CLEC2B: variants seen among roughly 807,000 people sequenced by gnomAD.
CLEC2B encodes the protein C-type (calcium dependent, carbohydrate-recognition domain) lectin, superfamily member 2 (activation-induced).
Under a neutral mutation model 16.2 loss-of-function variants are expected in CLEC2B, and 14 were observed. The observed-to-expected ratio is 0.86, with a 90% CI of 0.57 to 1.35. The LOEUF (loss-of-function observed/expected upper bound fraction) is 1.35, where lower values mean the gene tolerates loss of function less well. Ranked by LOEUF, CLEC2B falls within the 40% of genes most tolerant of loss-of-function variation. The pLI is 0.00. For synonymous variants in CLEC2B, 42 were observed against 55.8 expected, an observed-to-expected ratio of 0.75 and a Z score of 1.10; for missense variants, 166 against 182.3, an observed-to-expected ratio of 0.91 and a Z score of 0.52.
chr12:9,853,342 A>G lies in CLEC2B; in HGVS notation c.408T>C (p.Cys136=). 1 of 1,613,986 alleles carries G rather than the reference A, an allele frequency of 6.2e-7. No homozygotes were observed. The highest frequency in any genetic ancestry group is 1.3e-5 in the African/African-American group (1 of 75,022). Residue 136 remains cysteine, a synonymous_variant, in exon 5 of 5, where the codon TGT becomes TGC. Transcript: ENST00000228438. ...TGCAAATCCATTTTCTTTCGGTGTA[A>G]CATCTAGCTGTTGCTGCACCATCAT... is the stretch of plus-strand genomic sequence containing the variant. The part of the protein sequence containing the change: ...LSDDGAATAR[C]YTERKWICRK...
chr12:9,862,058 T>C (rs1407123281), intron 2 of CLEC2B, among the ~76,000 whole-genome samples: 1 of 152,066 alleles, frequency 6.6e-6, no homozygotes, highest in Non-Finnish European at 1.5e-5. Flanking sequence ...TATGATGACA[T>C]TGAAAAATCA....
chr12:9,864,920 C>T (rs7295874), intron 1 of CLEC2B, among the ~76,000 whole-genome samples: 42,793 of 152,036 alleles, frequency 0.28, 6,184 homozygotes, highest in South Asian at 0.34. Flanking sequence ...CAGTGGCTCA[C>T]GCCTGTAATC....
At chr12:9,864,015 T>A (rs1419990332) in intron 1 of CLEC2B, among the ~76,000 whole-genome samples, 1 of 151,068 alleles carries the variant, frequency 6.6e-6, no homozygotes, top group Non-Finnish European at 1.5e-5. Context: ...AATCAAACTC[T>A]CAAAGGTCAA....
At chr12:9,867,793 G>A (rs1867983236) in intron 1 of CLEC2B, among the ~76,000 whole-genome samples, 1 of 152,056 alleles carries the variant, frequency 6.6e-6, no homozygotes, top group Non-Finnish European at 1.5e-5. Flanking sequence ...AATCTAAACA[G>A]TTAAGGACTG....
intron 3 of CLEC2B, among the ~76,000 whole-genome samples, chr12:9,856,504 C>T (rs971455751): frequency 2.6e-5 from 4 of 151,950 alleles, no homozygotes; most frequent in African/African-American, 9.7e-5. Flanking sequence ...AGTTTTGTTT[C>T]CTTTCACTGA....
rs1231451319 is a variant in CLEC2B, at chr12:9,853,053, TA to T, written c.*246del. Reference sequence around the variant, plus strand: ...CCACAATTGTTTTCTGGTTTACAGTTAAAAAAAGAAAGAAAGAAAGAAAGAA... The same window carrying T: ...CCACAATTGTTTTCTGGTTTACAGTTAAAAAAGAAAGAAAGAAAGAAAGAA... On this transcript the variant is annotated 3_prime_UTR_variant, in exon 5 of 5. Coordinates refer to ENST00000228438, the MANE Select transcript of CLEC2B (RefSeq NM_005127.3). 4 of 103,402 alleles carry T rather than the reference TA, an allele frequency of 3.9e-5. No individual in the cohort carries two copies. Among genetic ancestry groups the T allele is most frequent in the African/African-American group, 1.5e-4 (1 of 6,612 alleles). The allele number at this position is 103,402 out of a possible 1,614,324, so 6.4% of individuals were successfully genotyped here.
At chr12:9,857,398 GAT>G in intron 3 of CLEC2B, 74 bp downstream of exon 3, 1 of 1,126,804 alleles carries the variant, frequency 8.9e-7, no homozygotes, top group South Asian at 1.4e-5. Flanking sequence ...AAGACTTCAA[GAT>G]TATAATGGTG....
At chr12:9,855,325 A>G (rs1867887647) in intron 3 of CLEC2B, among the ~76,000 whole-genome samples, 1 of 152,138 alleles carries the variant, frequency 6.6e-6, no homozygotes, top group African/African-American at 2.4e-5. Flanking sequence ...AGCATTGCAT[A>G]AACTAATTTG....
chr12:9,858,757 T>G (rs965588462), intron 2 of CLEC2B, among the ~76,000 whole-genome samples: 11 of 151,880 alleles, frequency 7.2e-5, no homozygotes, highest in African/African-American at 2.4e-4. Context: ...CATATGTGTA[T>G]ATATCTCTCT....
intron 1 of CLEC2B, among the ~76,000 whole-genome samples, chr12:9,866,399 G>A (rs1034949621): frequency 6.6e-6 from 1 of 152,028 alleles, no homozygotes; most frequent in South Asian, 2.1e-4. Flanking sequence ...TTTGTGGCAT[G>A]TAATTGTATT....
intron 2 of CLEC2B, among the ~76,000 whole-genome samples, chr12:9,858,768 C>T (rs184934133): frequency 6.6e-6 from 1 of 151,748 alleles, no homozygotes; most frequent in Non-Finnish European, 1.5e-5. Flanking sequence ...ATATCTCTCT[C>T]ATGTACTGTC....
intron 2 of CLEC2B, 111 bp downstream of exon 2, chr12:9,862,388 C>A (rs1348944692): frequency 3.1e-5 from 30 of 957,692 alleles, no homozygotes. Flanking sequence ...TAAATGTTAT[C>A]ATGTATAATG....
chr12:9,853,074 A>AAAGT lies in CLEC2B; in HGVS notation c.*225_*226insACTT. 2.5e-6 allele frequency: 1 copy of AAAGT among 402,996 alleles called. No homozygotes were observed. The highest frequency in any genetic ancestry group is 4.5e-6 in the Non-Finnish European group (1 of 221,490). 25.0% of individuals were successfully genotyped at this position (402,996 alleles called of 1,614,324 possible). On this transcript the variant is annotated 3_prime_UTR_variant, in exon 5 of 5. Coordinates refer to ENST00000228438, the MANE Select transcript of CLEC2B (RefSeq NM_005127.3). ...CAGTTAAAAAAAGAAAGAAAGAAAG[A>AAAGT]AAGAAAGAAAGAGAGAGAGAGAAAG...
chr12:9,868,831 C>A (rs912291448), intron 1 of CLEC2B, among the ~76,000 whole-genome samples: 1 of 152,042 alleles, frequency 6.6e-6, no homozygotes, highest in African/African-American at 2.4e-5. Context: ...ATAAAGCAAT[C>A]TTTAAAAATA....
chr12:9,855,696 T>G (rs1867890207), intron 3 of CLEC2B, among the ~76,000 whole-genome samples: 1 of 151,980 alleles, frequency 6.6e-6, no homozygotes, highest in Non-Finnish European at 1.5e-5. Flanking sequence ...CTGGGAGATG[T>G]GTTTCCTAGT....
chr12:9,853,184 A>G lies in CLEC2B; in HGVS notation c.*116T>C, dbSNP rs1867864291. ...GCTTTTATGTGTAGCCTGACACGTA[A>G]GCAGAATTAACCAGACAGGTACAAA... On this transcript the variant is annotated 3_prime_UTR_variant, in exon 5 of 5. Transcript: ENST00000228438. 2.5e-6 allele frequency: 2 copies of G among 789,108 alleles called. No homozygotes were observed. The highest frequency in any genetic ancestry group is 5.4e-5 in the East Asian group (2 of 37,246). 48.9% of individuals were successfully genotyped at this position (789,108 alleles called of 1,614,324 possible). A position where few individuals can be genotyped will look rare whatever the true frequency, so the allele number is the denominator to read the frequency against.
chr12:9,853,809 C>T (rs1447284421), intron 4 of CLEC2B, among the ~76,000 whole-genome samples: 1 of 152,046 alleles, frequency 6.6e-6, no homozygotes, highest in South Asian at 2.1e-4. Flanking sequence ...AAGAAAAGTG[C>T]CCCTTTTCCA....
At position 9,853,245 on chromosome 12, in the gene CLEC2B, G is replaced by A; in HGVS notation, c.*55C>T. ...TGTTTAATTAAAAAAGTACTTTGCT[G>A]GTTTTACACTTAATAATGTTATTTT... is the stretch of plus-strand genomic sequence containing the variant. On this transcript the variant is annotated 3_prime_UTR_variant, in exon 5 of 5. Coordinates refer to ENST00000228438, the MANE Select transcript of CLEC2B (RefSeq NM_005127.3). 7.4e-7 allele frequency: 1 copy of A among 1,357,534 alleles called. No homozygotes were observed. The highest frequency in any genetic ancestry group is 1.2e-5 in the South Asian group (1 of 83,810). 84.1% of individuals were successfully genotyped at this position (1,357,534 alleles called of 1,614,324 possible). A position where few individuals can be genotyped will look rare whatever the true frequency, so the allele number is the denominator to read the frequency against.
At chr12:9,863,259 C>T (rs986947850) in intron 1 of CLEC2B, among the ~76,000 whole-genome samples, 3 of 152,000 alleles carry the variant, frequency 2.0e-5, no homozygotes, top group African/African-American at 7.2e-5. Context: ...GTAGTCATAA[C>T]AAGGAGGCCG....
Sources: allele counts gnomAD v4.1 joint callset (sites outside exome capture counted in the v4.1 genomes callset), GRCh38; gene constraint gnomAD v4.1.1; transcripts MANE v1.5; gene names NCBI Gene and HGNC (gene_info 2026-07-23, HGNC 2026-07-21).